KIAA1549L: variants seen among roughly 807,000 people sequenced by gnomAD.
KIAA1549L encodes UPF0606 protein KIAA1549L.
KIAA1549L carries 88 observed loss-of-function variants against 160.7 expected under a neutral mutation model. The ratio of observed to expected loss-of-function variants is 0.55; its 90% CI spans 0.46 to 0.65. The LOEUF (loss-of-function observed/expected upper bound fraction) is 0.65, where lower values mean the gene tolerates loss of function less well. Ranked by LOEUF, KIAA1549L falls within the 30% of genes least tolerant of loss-of-function variation. The pLI is 0.00. For missense variants in KIAA1549L, 2,258 were observed against 2,437.5 expected, an observed-to-expected ratio of 0.93 and a Z score of 1.55; for synonymous variants, 950 against 976.7, an observed-to-expected ratio of 0.97 and a Z score of 0.51.
At chr11:33,571,376 G>A (rs1002199022) in intron 9 of KIAA1549L, among the ~76,000 whole-genome samples, 2 of 152,178 alleles carry the variant, frequency 1.3e-5, no homozygotes, top group Non-Finnish European at 2.9e-5. Flanking sequence ...AGTGAGGATA[G>A]TGTTTTCCGG....
At chr11:33,597,952 T>C (rs1181173064) in intron 12 of KIAA1549L, among the ~76,000 whole-genome samples, 1 of 152,136 alleles carries the variant, frequency 6.6e-6, no homozygotes, top group African/African-American at 2.4e-5. Context: ...AATCAGTGGC[T>C]CATTATAATG....
At chr11:33,562,678 CTTTTTT>C (rs35756207) in intron 8 of KIAA1549L, among the ~76,000 whole-genome samples, 1 of 134,038 alleles carries the variant, frequency 7.5e-6, no homozygotes, top group Admixed American at 7.6e-5. Context: ...TTCATTTCCT[CTTTTTT>C]TTTTTTTTTT....
intron 20 of KIAA1549L, among the ~76,000 whole-genome samples, chr11:33,662,479 G>A (rs1852299387): frequency 6.6e-6 from 1 of 152,050 alleles, no homozygotes; most frequent in South Asian, 2.1e-4. Flanking sequence ...ATTGTTTGGG[G>A]GCCTTTTTTG....
chr11:33,382,979 T>TAAAAGTACAGTGTTACTTGTACTTGG (rs1384798519), intron 1 of KIAA1549L, among the ~76,000 whole-genome samples: 6 of 152,160 alleles, frequency 3.9e-5, no homozygotes, highest in South Asian at 2.1e-4. Flanking sequence ...TATTAAATAT[T>TAAAAGTACAGTGTTACTTGTACTTGG]AAAAGTACAG....
chr11:33,403,632 C>T (rs1456100505), intron 1 of KIAA1549L: 2 of 152,130 alleles, frequency 1.3e-5, no homozygotes, highest in African/African-American at 2.4e-5. Context: ...AGACATAACA[C>T]CCACACCTAC....
chr11:33,575,244 T>G (rs754724058), intron 10 of KIAA1549L, among the ~76,000 whole-genome samples: 13 of 152,170 alleles, frequency 8.5e-5, no homozygotes, highest in Non-Finnish European at 1.5e-4. Flanking sequence ...TGCTGGAGGA[T>G]GTATGGAAGT....
chr11:33,385,848 T>C (rs921421346), intron 1 of KIAA1549L, among the ~76,000 whole-genome samples: 3 of 152,146 alleles, frequency 2.0e-5, no homozygotes, highest in African/African-American at 7.2e-5. Context: ...AATTTGTACA[T>C]ACATTTTTCA....
chr11:33,602,069 A>G (rs370067293), intron 13 of KIAA1549L, among the ~76,000 whole-genome samples: 1 of 152,260 alleles, frequency 6.6e-6, no homozygotes, highest in East Asian at 1.9e-4. Flanking sequence ...TGAAAATAAT[A>G]CATATCTTTG....
intron 16 of KIAA1549L, among the ~76,000 whole-genome samples, chr11:33,641,964 C>T (rs78250675): frequency 0.011 from 1,675 of 152,182 alleles, 36 homozygotes; most frequent in African/African-American, 0.038. Context: ...ACCCCCAACC[C>T]AGGGTCTAGT....
intron 1 of KIAA1549L, among the ~76,000 whole-genome samples, chr11:33,461,165 T>G (rs1179446009): frequency 6.6e-6 from 1 of 151,592 alleles, no homozygotes; most frequent in Admixed American, 6.6e-5. Context: ...TTTTTTTCTT[T>G]GTAACAAAAA....
At chr11:33,438,517 G>A (rs1477283877) in intron 1 of KIAA1549L, among the ~76,000 whole-genome samples, 2 of 150,428 alleles carry the variant, frequency 1.3e-5, no homozygotes, top group East Asian at 3.8e-4. Flanking sequence ...GCTGCTTTCA[G>A]CAGGGGCCCT....
chr11:33,400,018 A>T (rs1481780247), intron 1 of KIAA1549L, among the ~76,000 whole-genome samples: 1 of 152,228 alleles, frequency 6.6e-6, no homozygotes, highest in Non-Finnish European at 1.5e-5. Context: ...TAAGTTGCTT[A>T]TCTCAAGCCA....
intron 1 of KIAA1549L, among the ~76,000 whole-genome samples, chr11:33,467,049 C>T (rs1242114833): frequency 6.6e-6 from 1 of 152,128 alleles, no homozygotes; most frequent in African/African-American, 2.4e-5. Flanking sequence ...AGCAAACCAA[C>T]CTGGCACACG....
chr11:33,495,580 T>C (rs1590287829), intron 1 of KIAA1549L, among the ~76,000 whole-genome samples: 6 of 152,366 alleles, frequency 3.9e-5, no homozygotes, highest in African/African-American at 1.4e-4. Context: ...AATGCCGCAA[T>C]AAGCATATGC....
intron 1 of KIAA1549L, among the ~76,000 whole-genome samples, chr11:33,508,302 T>A (rs1853140840): frequency 6.6e-6 from 1 of 152,164 alleles, no homozygotes; most frequent in Non-Finnish European, 1.5e-5. Context: ...GCTACTAACA[T>A]TTTACCATCC....
At chr11:33,424,674 T>A (rs1851082960) in intron 1 of KIAA1549L, among the ~76,000 whole-genome samples, 1 of 152,198 alleles carries the variant, frequency 6.6e-6, no homozygotes, top group Non-Finnish European at 1.5e-5. Context: ...TACCATGAAC[T>A]TTTTGAGTCC....
intron 1 of KIAA1549L, among the ~76,000 whole-genome samples, chr11:33,506,916 C>A (rs1440450562): frequency 6.6e-6 from 1 of 152,076 alleles, no homozygotes; most frequent in African/African-American, 2.4e-5. Flanking sequence ...AAAACCAGGG[C>A]CTAGGTTAGT....
At position 33,632,492 on chromosome 11, in the gene KIAA1549L, T is replaced by C. The variant is rs531242647; in HGVS notation, c.5410-13194T>C. On this transcript the variant is annotated intron_variant, in intron 16 of 20. Transcript: ENST00000658780. ...GCAGCTTAGTCCCAGCTAGCCCCCC[T>C]GGCTGAAACACAGGGAGAGAAGGAG... is the stretch of plus-strand genomic sequence containing the variant. Among the ~76,000 whole-genome samples the C allele has an allele frequency of 5.9e-4, 90 of 152,294 alleles. 1 individual carries two copies. The highest frequency in any genetic ancestry group is 2.2e-3 in the African/African-American group (90 of 41,570).
At chr11:33,416,633 A>G (rs920832858) in intron 1 of KIAA1549L, among the ~76,000 whole-genome samples, 2 of 152,196 alleles carry the variant, frequency 1.3e-5, no homozygotes, top group East Asian at 3.9e-4. Flanking sequence ...ACCATTTTAT[A>G]TAAGGGACTT....
Sources: allele counts gnomAD v4.1 joint callset (sites outside exome capture counted in the v4.1 genomes callset), GRCh38; gene constraint gnomAD v4.1.1; transcripts MANE v1.5; gene names NCBI Gene and HGNC (gene_info 2026-07-23, HGNC 2026-07-21).